Variants in PDE4B observed in about 807,000 individuals in gnomAD.
PDE4B encodes the protein phosphodiesterase 4B.
A neutral mutation model predicts 82.2 loss-of-function variants in PDE4B; 20 were observed. The ratio of observed to expected loss-of-function variants is 0.24; its 90% confidence interval spans 0.17 to 0.35. PDE4B has a LOEUF of 0.35. Ranked by LOEUF, PDE4B falls within the 10% of genes least tolerant of loss-of-function variation. The pLI is 1.00. For synonymous variants in PDE4B, 320 were observed against 318.9 expected (o/e 1.00, Z -0.04); for missense variants, 655 against 907.2 (o/e 0.72, Z 3.57).
intron 1 of PDE4B, among the ~76,000 whole-genome samples, chr1:65,855,258 T>C (rs952669266): frequency 6.6e-6 from 1 of 152,044 alleles, no homozygotes; most frequent in African/African-American, 2.4e-5. Flanking sequence ...CCATTTGTAA[T>C]GATATTTTAT....
intron 1 of PDE4B, among the ~76,000 whole-genome samples, chr1:65,801,337 T>A (rs962348219): frequency 6.6e-6 from 1 of 152,212 alleles, no homozygotes; most frequent in African/African-American, 2.4e-5. Flanking sequence ...CTTAATTGTT[T>A]CTTCCACTAT....
intron 3 of PDE4B, among the ~76,000 whole-genome samples, chr1:66,136,915 C>T (rs1646070503): frequency 6.6e-6 from 1 of 151,754 alleles, no homozygotes. Flanking sequence ...AGGACATAGT[C>T]AACATATGGG....
At chr1:65,945,194 A>AT (rs1196857128) in intron 3 of PDE4B, among the ~76,000 whole-genome samples, 3 of 151,848 alleles carry the variant, frequency 2.0e-5, no homozygotes, top group Non-Finnish European at 4.4e-5. Context: ...ATAGAGTGTC[A>AT]TTTTCCCACT....
At chr1:66,054,295 G>C (rs950105732) in intron 3 of PDE4B, among the ~76,000 whole-genome samples, 1 of 152,120 alleles carries the variant, frequency 6.6e-6, no homozygotes, top group Non-Finnish European at 1.5e-5. Flanking sequence ...TATTTGTCAT[G>C]ATTCTTTTGT....
At chr1:66,072,474 T>C (rs1180049300) in intron 3 of PDE4B, among the ~76,000 whole-genome samples, 1 of 152,144 alleles carries the variant, frequency 6.6e-6, no homozygotes, top group Non-Finnish European at 1.5e-5. Flanking sequence ...TTACCAATTT[T>C]AGTTTGTAGA....
chr1:65,923,342 A>G (rs1187345964), intron 3 of PDE4B, among the ~76,000 whole-genome samples: 1 of 152,224 alleles, frequency 6.6e-6, no homozygotes, highest in South Asian at 2.1e-4. Context: ...TTGAACATCT[A>G]TAGTTAATCT....
At chr1:66,030,199 G>A (rs956145677) in intron 3 of PDE4B, among the ~76,000 whole-genome samples, 1 of 152,174 alleles carries the variant, frequency 6.6e-6, no homozygotes, top group African/African-American at 2.4e-5. Context: ...CAGGAATAAA[G>A]CCTACTTGAT....
At chr1:66,088,200 A>G (rs933009589) in intron 3 of PDE4B, among the ~76,000 whole-genome samples, 2 of 151,986 alleles carry the variant, frequency 1.3e-5, no homozygotes, top group African/African-American at 2.4e-5. Context: ...GAATCTGAAG[A>G]TTCTAACTTA....
intron 3 of PDE4B, chr1:66,094,470 C>T (rs1645078815): frequency 6.6e-6 from 1 of 151,922 alleles, no homozygotes; most frequent in African/African-American, 2.4e-5. Flanking sequence ...AAGATTTAGT[C>T]CTTTAAAGTT....
chr1:66,225,069 G>T (rs1651328622), intron 3 of PDE4B, among the ~76,000 whole-genome samples: 1 of 152,044 alleles, frequency 6.6e-6, no homozygotes, highest in South Asian at 2.1e-4. Flanking sequence ...TTGGCTCCTC[G>T]AGGACTTTGC....
intron 1 of PDE4B, among the ~76,000 whole-genome samples, chr1:65,794,823 ATATC>A (rs2101144599): frequency 6.6e-6 from 1 of 152,314 alleles, no homozygotes; most frequent in Non-Finnish European, 1.5e-5. Flanking sequence ...GTTTATCTAT[ATATC>A]TATCATCTTT....
chr1:66,046,056 T>A (rs1378503400), intron 3 of PDE4B, among the ~76,000 whole-genome samples: 1 of 151,760 alleles, frequency 6.6e-6, no homozygotes, highest in African/African-American at 2.4e-5. Context: ...GAAGAGATAT[T>A]TGAAAGGGGC....
Position 65,837,457 on chromosome 1 carries a change from A to T in PDE4B, c.-71+44209A>T, listed in dbSNP as rs376518383. 2.6e-5 allele frequency among the ~76,000 whole-genome samples: 4 copies of T among 151,952 alleles called. No individual in the cohort carries two copies. In the South Asian group the frequency reaches 6.2e-4, roughly 24 times the overall value. On this transcript the variant is annotated intron_variant, in intron 1 of 16. Coordinates refer to ENST00000341517, the MANE Select transcript of PDE4B (RefSeq NM_002600.4). ...ATCTATACTATACTAAAAATACAAA[A>T]ATTAGTCAGGTGTGATGGCCCATGC...
At position 66,330,824 on chromosome 1, in the gene PDE4B, GAAGA is replaced by G. The variant is rs1234417365; in HGVS notation, c.635-1680_635-1677del. On this transcript the variant is annotated intron_variant, in intron 7 of 16. Transcript: ENST00000341517. ...GAGGCAGCATTGCAAAATTGAAGATGAAGAAAGGAAGGAAGGTATGTGTAAGTCT... is the reference window on the plus strand; with the variant it reads ...GAGGCAGCATTGCAAAATTGAAGATGAAGGAAGGAAGGTATGTGTAAGTCT... 4 of 979,876 alleles carry G rather than the reference GAAGA, an allele frequency of 4.1e-6. No homozygotes were observed. In the African/African-American group the frequency reaches 7.0e-5, roughly 17 times the overall value. The allele number at this position is 979,876 out of a possible 1,614,324, so 60.7% of individuals were successfully genotyped here.
intron 3 of PDE4B, among the ~76,000 whole-genome samples, chr1:66,120,951 A>G (rs1162905328): frequency 6.6e-6 from 1 of 152,164 alleles, no homozygotes; most frequent in Non-Finnish European, 1.5e-5. Flanking sequence ...TATATCTACA[A>G]ATGTATATGC....
At chr1:66,312,729 A>T (rs898720763) in intron 7 of PDE4B, among the ~76,000 whole-genome samples, 1 of 152,226 alleles carries the variant, frequency 6.6e-6, no homozygotes, top group Non-Finnish European at 1.5e-5. Context: ...TCAACAAACT[A>T]CAGCCCATGG....
chr1:66,101,614 G>C (rs931437074), intron 3 of PDE4B, among the ~76,000 whole-genome samples: 2 of 152,120 alleles, frequency 1.3e-5, no homozygotes, highest in Admixed American at 6.6e-5. Context: ...GTGTCTGTTG[G>C]CTGCATAAAT....
rs752832988 is a variant in PDE4B at position 66,257,874 on chromosome 1, A to G, written c.584+11A>G. 91 of 1,602,628 alleles carry G rather than the reference A, an allele frequency of 5.7e-5. 1 individual carries two copies. In the South Asian group the frequency reaches 9.7e-4, roughly 17 times the overall value. ...TGGTACATCTAACAAGTAAGGATTG[A>G]CTTTTTTGTGGAGTTTGAATCCCTA... On this transcript the variant is annotated intron_variant, in intron 6 of 16. Coordinates refer to ENST00000341517, the MANE Select transcript of PDE4B (RefSeq NM_002600.4).
rs548563664 is a variant in PDE4B, at chr1:66,239,619, A to G, written c.282-7841A>G. 2.6e-5 allele frequency among the ~76,000 whole-genome samples: 4 copies of G among 152,358 alleles called. No homozygotes were observed. The East Asian group carries it at 5.8e-4, about 22-fold the overall frequency. On this transcript the variant is annotated intron_variant, in intron 3 of 16. Transcript: ENST00000341517. ...TAAGCTTGCTAGAAATAATGCTCCT[A>G]TATTTATGAAGAGGGAATGTTTACA... is the stretch of plus-strand genomic sequence containing the variant.
Sources: allele counts gnomAD v4.1 joint callset (sites outside exome capture counted in the v4.1 genomes callset), GRCh38; gene constraint gnomAD v4.1.1; transcripts MANE v1.5; gene names NCBI Gene and HGNC (gene_info 2026-07-23, HGNC 2026-07-21).